The following UBE2G2 variants were observed in gnomAD, a reference collection of about 807,000 sequenced individuals.
The protein encoded by UBE2G2 is ubiquitin-conjugating enzyme E2 G2.
Under a neutral mutation model 23.0 loss-of-function variants are expected in UBE2G2, and 10 were observed. That is an observed-to-expected ratio of 0.43 (90% CI 0.27 to 0.74). UBE2G2 has a LOEUF of 0.74. UBE2G2 is among the 30% of genes least tolerant of loss of function. The pLI, the probability that UBE2G2 is intolerant of heterozygous loss-of-function variation, is 0.19. For synonymous variants in UBE2G2, 86 were observed against 81.3 expected, an observed-to-expected ratio of 1.06 and a Z score of -0.31; for missense variants, 150 against 218.3, an observed-to-expected ratio of 0.69 and a Z score of 1.97.
At chr21:44,797,525 G>C (rs2083101024) in intron 1 of UBE2G2, among the ~76,000 whole-genome samples, 1 of 151,914 alleles carries the variant, frequency 6.6e-6, no homozygotes, top group Admixed American at 6.6e-5. Flanking sequence ...GACCATCCTG[G>C]CTAACACGGT....
chr21:44,789,886 G>A (rs1172804276), intron 1 of UBE2G2, among the ~76,000 whole-genome samples: 2 of 152,030 alleles, frequency 1.3e-5, no homozygotes, highest in African/African-American at 2.4e-5. Flanking sequence ...AAGAAGAAAC[G>A]AGAGATTTGC....
chr21:44,799,958 G>C (rs573308229), intron 1 of UBE2G2: 1 of 152,240 alleles, frequency 6.6e-6, no homozygotes, highest in African/African-American at 2.4e-5. Context: ...GGAAGAGAGA[G>C]GCCGGGAGAG....
chr21:44,773,235 C>T (rs1453128047), intron 5 of UBE2G2, among the ~76,000 whole-genome samples: 3 of 152,172 alleles, frequency 2.0e-5, no homozygotes, highest in Admixed American at 6.5e-5. Flanking sequence ...CTTTGTCACA[C>T]GAAGCTTTAC....
intron 1 of UBE2G2, among the ~76,000 whole-genome samples, chr21:44,790,295 T>C (rs1244171756): frequency 6.6e-6 from 1 of 152,224 alleles, no homozygotes; most frequent in Non-Finnish European, 1.5e-5. Context: ...AGTTTGACCA[T>C]TTCCACTAAA....
chr21:44,776,934 G>C (rs1224036845), intron 4 of UBE2G2: 1 of 192,918 alleles, frequency 5.2e-6, no homozygotes, highest in Non-Finnish European at 1.0e-5. Context: ...ATTTATTCTT[G>C]TGTTAAAAAC....
rs1051014419 is a variant in UBE2G2 at position 44,769,247 on chromosome 21, C to G, written c.*2130G>C. The stretch of plus-strand genomic sequence containing the variant: ...CCCTCCAGGGCCTGCACCCACAGAC[C>G]CCGTCTACTTGCACAAATGACTCTT... On this transcript the variant is annotated 3_prime_UTR_variant, in exon 6 of 6. Transcript: ENST00000345496. 1 of 152,252 alleles carries G rather than the reference C, an allele frequency of 6.6e-6. No homozygotes were observed. Among genetic ancestry groups the G allele is most frequent in the Non-Finnish European group, 1.5e-5 (1 of 68,066 alleles). 9.4% of individuals were successfully genotyped at this position (152,252 alleles called of 1,614,324 possible).
At position 44,773,489 on chromosome 21, in the gene UBE2G2, G is replaced by C. The variant is rs1014817229; in HGVS notation, c.385+58C>G. 5.1e-6 allele frequency: 8 copies of C among 1,559,128 alleles called. 1 individual carries two copies. The African/African-American group carries it at 1.1e-4, about 21-fold the overall frequency. On this transcript the variant is annotated intron_variant, in intron 5 of 5. Coordinates refer to ENST00000345496, the MANE Select transcript of UBE2G2 (RefSeq NM_003343.6). ...CTAAAGACAGGATGACGCAAGGCTG[G>C]AGAACACCTGCAGCCTGGGTGTCCA...
At chr21:44,779,950 A>G (rs1314247727) in intron 3 of UBE2G2, among the ~76,000 whole-genome samples, 1 of 152,242 alleles carries the variant, frequency 6.6e-6, no homozygotes, top group African/African-American at 2.4e-5. Context: ...AATGCTTGCC[A>G]GCACTCAATA....
chr21:44,779,509 C>CA (rs1293831301), intron 3 of UBE2G2, among the ~76,000 whole-genome samples: 1 of 151,636 alleles, frequency 6.6e-6, no homozygotes, highest in African/African-American at 2.4e-5. Flanking sequence ...GGATGAGTAC[C>CA]CCCCCCGGCC....
chr21:44,773,389 T>C (rs1220918161), intron 5 of UBE2G2, among the ~76,000 whole-genome samples, 158 bp downstream of exon 5: 1 of 152,132 alleles, frequency 6.6e-6, no homozygotes, highest in Non-Finnish European at 1.5e-5. Context: ...ATGCTTACAA[T>C]TGGAAAAGTG....
In UBE2G2 at chr21:44,779,671, C is replaced by T. The variant is rs546136668; in HGVS notation, c.126-2254G>A. Among the ~76,000 whole-genome samples the T allele has an allele frequency of 4.8e-4, 73 of 152,320 alleles. 3 individuals are homozygous for T. In the South Asian group the frequency reaches 0.014, roughly 29 times the overall value. Reference sequence around the variant, plus strand: ...CATGTATCAGAGTGAGGCGTGGCCACCCCGAGCCTCCTGTCCAGTACAAGA... The same window carrying T: ...CATGTATCAGAGTGAGGCGTGGCCATCCCGAGCCTCCTGTCCAGTACAAGA... On this transcript the variant is annotated intron_variant, in intron 3 of 5. Transcript: ENST00000345496.
intron 1 of UBE2G2, among the ~76,000 whole-genome samples, chr21:44,791,663 CT>C (rs1289992742): frequency 1.3e-5 from 2 of 152,238 alleles, no homozygotes; most frequent in East Asian, 3.8e-4. Flanking sequence ...TGGAGAACAT[CT>C]GCTAGGGCAT....
At chr21:44,797,755 C>T (rs1412821598) in intron 1 of UBE2G2, among the ~76,000 whole-genome samples, 1 of 143,884 alleles carries the variant, frequency 7.0e-6, no homozygotes, top group East Asian at 2.0e-4. Context: ...AAAATACCTG[C>T]TCACAGTCTA....
rs1251635477 is a variant in UBE2G2 at position 44,768,896 on chromosome 21, C to G, written c.*2481G>C. On this transcript the variant is annotated 3_prime_UTR_variant, in exon 6 of 6. Coordinates refer to ENST00000345496, the MANE Select transcript of UBE2G2 (RefSeq NM_003343.6). The stretch of plus-strand genomic sequence containing the variant: ...GACCACAGAATGACAGAAGGGAGAT[C>G]AGAAACAGAAGAAAACATGCCAGAG... 6.6e-6 allele frequency: 1 copy of G among 152,206 alleles called. No individual in the cohort carries two copies. Among genetic ancestry groups the G allele is most frequent in the Admixed American group, 6.5e-5 (1 of 15,280 alleles). 9.4% of individuals were successfully genotyped at this position (152,206 alleles called of 1,614,324 possible). A position where few individuals can be genotyped will look rare whatever the true frequency, so the allele number is the denominator to read the frequency against.
At position 44,779,834 on chromosome 21, in the gene UBE2G2, A is replaced by C. The variant is rs571596197; in HGVS notation, c.126-2417T>G. Among the ~76,000 whole-genome samples the C allele has an allele frequency of 2.8e-4, 43 of 152,368 alleles. 1 individual carries two copies. Among genetic ancestry groups the C allele is most frequent in the African/African-American group, 9.6e-4 (40 of 41,590 alleles). On this transcript the variant is annotated intron_variant, in intron 3 of 5. Transcript: ENST00000345496. ...GATGAAATGACTTAGTCAAGGTCCT[A>C]GATCAATTTAGTATTAGAGTTAAGA...
chr21:44,781,697 C>G (rs1275944901), intron 3 of UBE2G2, among the ~76,000 whole-genome samples: 1 of 152,194 alleles, frequency 6.6e-6, no homozygotes, highest in East Asian at 1.9e-4. Flanking sequence ...AGGGCCCTGG[C>G]TCTGGTTTAA....
intron 1 of UBE2G2, 139 bp downstream of exon 1, chr21:44,801,567 C>A (rs2083138199): frequency 8.0e-7 from 1 of 1,248,060 alleles, no homozygotes. Flanking sequence ...CGGCACTCCG[C>A]GGGACCCACA....
At chr21:44,790,224 G>A (rs1246436053) in intron 1 of UBE2G2, among the ~76,000 whole-genome samples, 1 of 152,210 alleles carries the variant, frequency 6.6e-6, no homozygotes, top group Non-Finnish European at 1.5e-5. Context: ...AGTTTAGCAA[G>A]TAGATCTCTC....
rs139292107 is a variant in UBE2G2, at chr21:44,788,263, A to G, written c.44-168T>C. ...AATACCTAGTACAATAACGGTTCTG[A>G]TAACAACTACACAAAGTTTTTTTGT... On this transcript the variant is annotated intron_variant, in intron 1 of 5. Coordinates refer to ENST00000345496, the MANE Select transcript of UBE2G2 (RefSeq NM_003343.6). 9.9e-5 allele frequency among the ~76,000 whole-genome samples: 15 copies of G among 151,988 alleles called. No homozygotes were observed. The East Asian group carries it at 2.9e-3, about 29-fold the overall frequency.
Sources: allele counts gnomAD v4.1 joint callset (sites outside exome capture counted in the v4.1 genomes callset), GRCh38; gene constraint gnomAD v4.1.1; transcripts MANE v1.5; gene names NCBI Gene and HGNC (gene_info 2026-07-23, HGNC 2026-07-21).